CHST11: variants seen among roughly 807,000 people sequenced by gnomAD.
The protein encoded by CHST11 is carbohydrate sulfotransferase 11, also known as C4S-1.
In CHST11, 9 loss-of-function variants were observed where a neutral mutation model predicts 30.4. The observed-to-expected ratio is 0.30, with a 90% CI of 0.18 to 0.52. CHST11 has a LOEUF of 0.52. Among genes scored for constraint, CHST11 ranks in the 20% least tolerant of loss-of-function variants. CHST11 has a pLI of 0.97. For missense variants in CHST11, 348 were observed against 460.6 expected (o/e 0.76, Z 2.24); for synonymous variants, 152 against 187.8 (o/e 0.81, Z 1.56).
At chr12:104,687,778 C>G (rs964799347) in intron 2 of CHST11, among the ~76,000 whole-genome samples, 1 of 151,986 alleles carries the variant, frequency 6.6e-6, no homozygotes, top group African/African-American at 2.4e-5. Flanking sequence ...CGGCCCCCGC[C>G]CCCCCCAAAA....
chr12:104,603,252 G>T (rs950578253), intron 2 of CHST11, among the ~76,000 whole-genome samples: 37 of 152,126 alleles, frequency 2.4e-4, no homozygotes, highest in African/African-American at 8.9e-4. Context: ...AGGATTTCTG[G>T]TAACCCGTGT....
intron 1 of CHST11, among the ~76,000 whole-genome samples, chr12:104,479,263 C>T (rs747795056): frequency 2.6e-5 from 4 of 151,940 alleles, no homozygotes; most frequent in Non-Finnish European, 5.9e-5. Context: ...CTGTGTCTGT[C>T]TCCTCATGGT....
At chr12:104,605,236 G>C (rs559355570) in intron 2 of CHST11, among the ~76,000 whole-genome samples, 71 of 151,836 alleles carry the variant, frequency 4.7e-4, no homozygotes, top group African/African-American at 1.5e-3. Context: ...GCTATAATCT[G>C]GGAAAACTGG....
intron 2 of CHST11, among the ~76,000 whole-genome samples, chr12:104,630,309 G>C (rs12371535): frequency 0.4 from 60,380 of 152,000 alleles, 12,332 homozygotes; most frequent in African/African-American, 0.49. Context: ...CTTAACTTCT[G>C]TGTGCCGCTG....
At chr12:104,675,643 CT>C (rs2039735716) in intron 2 of CHST11, among the ~76,000 whole-genome samples, 1 of 152,226 alleles carries the variant, frequency 6.6e-6, no homozygotes, top group South Asian at 2.1e-4. Flanking sequence ...GAACCACTCA[CT>C]CTGGAGTCAG....
At chr12:104,614,020 G>T (rs1052027221) in intron 2 of CHST11, among the ~76,000 whole-genome samples, 2 of 152,166 alleles carry the variant, frequency 1.3e-5, no homozygotes, top group African/African-American at 4.8e-5. Flanking sequence ...CTTGAAATCT[G>T]CTAGGAAAGC....
intron 1 of CHST11, among the ~76,000 whole-genome samples, chr12:104,480,193 T>G (rs2037606035): frequency 6.6e-6 from 1 of 152,110 alleles, no homozygotes; most frequent in Non-Finnish European, 1.5e-5. Context: ...GAGTTGATAG[T>G]GTCCCCGCCC....
At chr12:104,744,371 T>C (rs1463121184) in intron 2 of CHST11, among the ~76,000 whole-genome samples, 1 of 152,254 alleles carries the variant, frequency 6.6e-6, no homozygotes, top group African/African-American at 2.4e-5. Flanking sequence ...GGAACTTTTT[T>C]TTGTATGATT....
At chr12:104,515,352 G>A (rs2038012221) in intron 1 of CHST11, among the ~76,000 whole-genome samples, 1 of 152,188 alleles carries the variant, frequency 6.6e-6, no homozygotes. Flanking sequence ...AGGAAAAAAT[G>A]TGCCAGCCCC....
intron 2 of CHST11, among the ~76,000 whole-genome samples, chr12:104,699,821 C>T (rs2039977084): frequency 6.6e-6 from 1 of 152,212 alleles, no homozygotes; most frequent in African/African-American, 2.4e-5. Context: ...GTCACTATAG[C>T]TTCATCAGCA....
rs1157764613 is a variant in CHST11, at chr12:104,700,937, T to C, written c.205-56012T>C. 4.6e-5 allele frequency among the ~76,000 whole-genome samples: 7 copies of C among 152,256 alleles called. No homozygotes were observed. In the South Asian group the frequency reaches 1.5e-3, roughly 32 times the overall value. On this transcript the variant is annotated intron_variant, in intron 2 of 2. Transcript: ENST00000303694. ...CATCCTGACCAACATAGTGAAACCC[T>C]GTCTCTACTAAAATACAAAAATTAG...
intron 2 of CHST11, among the ~76,000 whole-genome samples, chr12:104,623,377 G>C (rs1270939958): frequency 6.6e-6 from 1 of 152,184 alleles, no homozygotes; most frequent in Non-Finnish European, 1.5e-5. Flanking sequence ...GTGTTTTATT[G>C]CTGATGTACG....
intron 1 of CHST11, chr12:104,514,560 T>A (rs1008440073): frequency 3.3e-5 from 15 of 449,848 alleles, no homozygotes; most frequent in South Asian, 1.9e-4. Flanking sequence ...AGAGGTTTAC[T>A]TGGCTCACGG....
chr12:104,473,112 A>G (rs2037526858), intron 1 of CHST11, among the ~76,000 whole-genome samples: 1 of 152,034 alleles, frequency 6.6e-6, no homozygotes, highest in Non-Finnish European at 1.5e-5. Context: ...CTGAATTTAA[A>G]CTCTCTTGTT....
chr12:104,621,303 C>T (rs1401528092), intron 2 of CHST11, among the ~76,000 whole-genome samples: 2 of 152,202 alleles, frequency 1.3e-5, no homozygotes, highest in East Asian at 1.9e-4. Context: ...CCAGTCAAGG[C>T]GATGGGCTGC....
intron 1 of CHST11, among the ~76,000 whole-genome samples, chr12:104,592,682 C>A (rs778587665): frequency 1.3e-5 from 2 of 152,206 alleles, no homozygotes; most frequent in Non-Finnish European, 2.9e-5. Context: ...TCCCTAACCA[C>A]GTAGATTCAT....
At chr12:104,699,417 A>G (rs1435259785) in intron 2 of CHST11, among the ~76,000 whole-genome samples, 5 of 152,224 alleles carry the variant, frequency 3.3e-5, no homozygotes, top group Admixed American at 3.3e-4. Flanking sequence ...GGATATATTG[A>G]GTGAAATAAA....
chr12:104,720,660 C>T (rs1444068973), intron 2 of CHST11, among the ~76,000 whole-genome samples: 2 of 152,102 alleles, frequency 1.3e-5, no homozygotes, highest in African/African-American at 4.8e-5. Flanking sequence ...GACGTTTGGC[C>T]TTTGAGGCAG....
intron 2 of CHST11, among the ~76,000 whole-genome samples, chr12:104,619,642 C>T (rs1024237969): frequency 1.4e-4 from 21 of 152,130 alleles, no homozygotes; most frequent in Admixed American, 1.4e-3. Context: ...AAGCAAGCCC[C>T]AAACAAGCAC....
Sources: gnomAD v4.1 joint callset for allele counts (sites outside exome capture counted in the v4.1 genomes callset) on GRCh38, gnomAD v4.1.1 for gene constraint, MANE v1.5 for transcripts, NCBI Gene and HGNC (gene_info 2026-07-23, HGNC 2026-07-21) for gene names.